The following PRCP variants were observed in gnomAD, a reference collection of about 807,000 sequenced individuals.
The protein encoded by PRCP is prolylcarboxypeptidase, also known as lysosomal Pro-X carboxypeptidase.
PRCP carries 46 observed loss-of-function variants against 54.2 expected under a neutral mutation model. That is an observed-to-expected ratio of 0.85 (90% CI 0.67 to 1.09). PRCP has a LOEUF of 1.09. PRCP is among the 50% of genes least tolerant of loss of function. The probability of loss-of-function intolerance (pLI) is 0.00; values close to 1 mark genes in which losing one functional copy is unlikely to be tolerated. For missense variants in PRCP, 613 were observed against 596.8 expected (o/e 1.03, Z -0.28); for synonymous variants, 240 against 212.2 (o/e 1.13, Z -1.14).
intron 1 of PRCP, among the ~76,000 whole-genome samples, chr11:82,870,448 T>G (rs927081278): frequency 6.6e-6 from 1 of 152,212 alleles, no homozygotes; most frequent in Admixed American, 6.5e-5. Flanking sequence ...CAGAAGGATC[T>G]GACTTGGGAA....
chr11:82,891,086 C>T (rs1319682025), intron 1 of PRCP, among the ~76,000 whole-genome samples: 1 of 152,162 alleles, frequency 6.6e-6, no homozygotes, highest in Non-Finnish European at 1.5e-5. Flanking sequence ...CTTCTAAATT[C>T]TTGACACAAT....
chr11:82,871,101 T>C (rs1859470090), intron 1 of PRCP, among the ~76,000 whole-genome samples: 1 of 152,186 alleles, frequency 6.6e-6, no homozygotes, highest in Admixed American at 6.5e-5. Flanking sequence ...AAAGTTTATA[T>C]TCTTCTGCTT....
At chr11:82,854,839 A>G (rs914756067) in intron 2 of PRCP, among the ~76,000 whole-genome samples, 4 of 152,220 alleles carry the variant, frequency 2.6e-5, no homozygotes, top group African/African-American at 9.6e-5. Context: ...GACCAATGTA[A>G]CAGGATAGAG....
chr11:82,842,395 T>G (rs777538069), intron 6 of PRCP, among the ~76,000 whole-genome samples: 37 of 152,282 alleles, frequency 2.4e-4, no homozygotes, highest in South Asian at 4.1e-4. Context: ...CCAGGCACTG[T>G]GCTCTGTGAG....
chr11:82,871,727 A>C (rs1859487978), intron 1 of PRCP, among the ~76,000 whole-genome samples: 1 of 152,192 alleles, frequency 6.6e-6, no homozygotes, highest in Non-Finnish European at 1.5e-5. Context: ...ATGACCTCAT[A>C]AATCTTCTGT....
intron 1 of PRCP, among the ~76,000 whole-genome samples, chr11:82,889,502 AG>A (rs1367030256): frequency 6.6e-6 from 1 of 152,260 alleles, no homozygotes; most frequent in East Asian, 1.9e-4. Flanking sequence ...CTCCTGGAGG[AG>A]GCAGAGGCAG....
At chr11:82,848,906 C>T in intron 6 of PRCP, 143 bp downstream of exon 6, 1 of 777,710 alleles carries the variant, frequency 1.3e-6, no homozygotes, top group Non-Finnish European at 2.0e-6. Flanking sequence ...CAGAAAGTAG[C>T]AGAACCCAGG....
intron 8 of PRCP, chr11:82,829,121 C>T (rs1169272477): frequency 6.6e-6 from 1 of 152,190 alleles, no homozygotes; most frequent in Non-Finnish European, 1.5e-5. Flanking sequence ...AACTGATCTT[C>T]CTGCCTCTAC....
chr11:82,838,359 A>C (rs1858575837), intron 8 of PRCP, 28 bp downstream of exon 8: 1 of 1,574,762 alleles, frequency 6.4e-7, no homozygotes, highest in Non-Finnish European at 8.6e-7. Context: ...CACCAACTGA[A>C]GTTTATCTTT....
chr11:82,852,761 T>C (rs7123485), intron 3 of PRCP, among the ~76,000 whole-genome samples: 17,786 of 152,246 alleles, frequency 0.12, 2,004 homozygotes, highest in African/African-American at 0.3. Flanking sequence ...TTTGTCCTTA[T>C]TTTATTGATT....
At position 82,850,419 on chromosome 11, in the gene PRCP, T is replaced by C; in HGVS notation, c.498A>G (p.Pro166=). The change falls in exon 4 of 9, where the codon CCA becomes CCG. Residue 166 remains proline (P), a synonymous_variant. Transcript: ENST00000313010. ...CAATGACAGGTTGATTTTCAGCTCCTGGGATTGTTCTTTTCAAGTGTTTGA... is the reference window on the plus strand; with the variant it reads ...CAATGACAGGTTGATTTTCAGCTCCCGGGATTGTTCTTTTCAAGTGTTTGA... ...ELIKHLKRTI[P]GAENQPVIAI... The C allele has an allele frequency of 6.2e-7, 1 of 1,608,038 alleles. No individual in the cohort carries two copies. Among genetic ancestry groups the C allele is most frequent in the Non-Finnish European group, 8.5e-7 (1 of 1,176,714 alleles).
intron 1 of PRCP, among the ~76,000 whole-genome samples, chr11:82,864,368 A>G (rs756135695): frequency 2.0e-5 from 3 of 152,236 alleles, no homozygotes; most frequent in Non-Finnish European, 4.4e-5. Context: ...GGCCAGGCAC[A>G]CTAGGGGCAG....
At chr11:82,860,956 A>T (rs1206754790) in intron 1 of PRCP, among the ~76,000 whole-genome samples, 1 of 152,188 alleles carries the variant, frequency 6.6e-6, no homozygotes, top group Non-Finnish European at 1.5e-5. Flanking sequence ...GATAGGAACC[A>T]ACCACAAGGA....
chr11:82,895,267 T>C (rs1860092672), intron 1 of PRCP, among the ~76,000 whole-genome samples: 1 of 152,224 alleles, frequency 6.6e-6, no homozygotes. Flanking sequence ...ACTCAGGTAG[T>C]GGCAGAAACA....
chr11:82,844,732 C>CAAAAAAAAAAAAAAAAAAAAAAAAAA, intron 6 of PRCP, among the ~76,000 whole-genome samples: 1 of 91,200 alleles, frequency 1.1e-5, no homozygotes, highest in Middle Eastern at 5.5e-3. Flanking sequence ...GGCTCCGTCT[C>CAAAAAAAAAAAAAAAAAAAAAAAAAA]AAAAAAAAAA....
intron 1 of PRCP, among the ~76,000 whole-genome samples, chr11:82,874,893 A>G (rs1859568239): frequency 6.6e-6 from 1 of 151,956 alleles, no homozygotes; most frequent in Non-Finnish European, 1.5e-5. Flanking sequence ...CCCTTCATGA[A>G]GCATTCCTGC....
intron 6 of PRCP, chr11:82,839,797 C>G (rs1679343714): frequency 4.5e-6 from 1 of 223,950 alleles, no homozygotes; most frequent in Non-Finnish European, 8.8e-6. Flanking sequence ...TCCCACTCCA[C>G]TAATGCCTTT....
At chr11:82,869,188 T>C in intron 1 of PRCP, among the ~76,000 whole-genome samples, 1 of 151,504 alleles carries the variant, frequency 6.6e-6, no homozygotes, top group Non-Finnish European at 1.5e-5. Flanking sequence ...AGACCCTGTC[T>C]CTACAAAAAA....
intron 2 of PRCP, among the ~76,000 whole-genome samples, chr11:82,853,662 A>C (rs1441930352): frequency 3.3e-5 from 5 of 152,176 alleles, no homozygotes. Context: ...CATTCTATGA[A>C]GCTAGCATCA....
Sources: allele counts gnomAD v4.1 joint callset (sites outside exome capture counted in the v4.1 genomes callset), GRCh38; gene constraint gnomAD v4.1.1; transcripts MANE v1.5; gene names NCBI Gene and HGNC (gene_info 2026-07-23, HGNC 2026-07-21).